The following CLIP2 variants were observed in gnomAD, a reference collection of about 807,000 sequenced individuals.
CLIP2 encodes the protein CAP-Gly domain containing linker protein 2.
CLIP2 carries 41 observed loss-of-function variants against 111.7 expected under a neutral mutation model. The ratio of observed to expected loss-of-function variants is 0.37; its 90% CI spans 0.29 to 0.48. The LOEUF (loss-of-function observed/expected upper bound fraction) is 0.48, where lower values mean the gene tolerates loss of function less well. CLIP2 is among the 20% of genes least tolerant of loss of function. CLIP2 has a pLI of 0.99. For synonymous variants in CLIP2, 660 were observed against 644.2 expected (o/e 1.02, Z -0.37); for missense variants, 1,160 against 1,422.1 (o/e 0.82, Z 2.96).
chr7:74,303,827 G>A (rs925037322), intron 1 of CLIP2, among the ~76,000 whole-genome samples: 8 of 149,184 alleles, frequency 5.4e-5, no homozygotes, highest in African/African-American at 7.4e-5. Context: ...CACAAGAATC[G>A]CTTGAACTCA....
At chr7:74,395,392 A>T (rs1182064495) in intron 13 of CLIP2, among the ~76,000 whole-genome samples, 1 of 152,030 alleles carries the variant, frequency 6.6e-6, no homozygotes, top group Non-Finnish European at 1.5e-5. Flanking sequence ...CATGACCTCA[A>T]GTAATCTGCC....
chr7:74,386,656 C>A, intron 12 of CLIP2, 52 bp downstream of exon 12: 1 of 1,425,802 alleles, frequency 7.0e-7, no homozygotes, highest in Non-Finnish European at 9.6e-7. Flanking sequence ...TGGGGCCGTG[C>A]CATTCAGCTG....
chr7:74,339,092 T>C lies in CLIP2; in HGVS notation c.678+88T>C, dbSNP rs917142014. 6.1e-6 allele frequency: 8 copies of C among 1,301,782 alleles called. No individual in the cohort carries two copies. In the African/African-American group the frequency reaches 1.0e-4, roughly 17 times the overall value. The allele number at this position is 1,301,782 out of a possible 1,614,324, so 80.6% of individuals were successfully genotyped here. A position where few individuals can be genotyped will look rare whatever the true frequency, so the allele number is the denominator to read the frequency against. On this transcript the variant is annotated intron_variant, in intron 3 of 16. Coordinates refer to ENST00000223398, the MANE Select transcript of CLIP2 (RefSeq NM_003388.5). ...TTGGCGAAGCTGGACCCCCCTGGGC[T>C]GGGCAGGGTGGGGACTCGAAGGGGG...
intron 2 of CLIP2, among the ~76,000 whole-genome samples, chr7:74,328,066 G>A (rs557131897): frequency 6.6e-6 from 1 of 152,286 alleles, no homozygotes; most frequent in East Asian, 1.9e-4. Context: ...CTTTAGGGCT[G>A]GATGCTGCAG....
chr7:74,400,314 C>G, intron 14 of CLIP2, 56 bp from the exon 15 acceptor site: 1 of 1,440,062 alleles, frequency 6.9e-7, no homozygotes, highest in Non-Finnish European at 9.4e-7. Context: ...AGTTGAGACG[C>G]CCACCAACAC....
intron 1 of CLIP2, 146 bp from the exon 2 acceptor site, chr7:74,317,334 G>A (rs143786912): frequency 3.2e-4 from 146 of 461,730 alleles, no homozygotes; most frequent in African/African-American, 2.5e-3. Flanking sequence ...TGGCCTGTGC[G>A]GCAACGGGAG....
At chr7:74,385,794 G>A (rs1791076409) in intron 11 of CLIP2, among the ~76,000 whole-genome samples, 1 of 147,980 alleles carries the variant, frequency 6.8e-6, no homozygotes, top group Non-Finnish European at 1.5e-5. Context: ...CCAGGCTGGA[G>A]TGCGATGGTG....
chr7:74,297,503 G>C (rs1554726250), intron 1 of CLIP2, among the ~76,000 whole-genome samples: 1 of 151,924 alleles, frequency 6.6e-6, no homozygotes, highest in Non-Finnish European at 1.5e-5. Context: ...AACCGAATAA[G>C]AAAACAAAAG....
intron 2 of CLIP2, among the ~76,000 whole-genome samples, chr7:74,333,080 G>T (rs1334787640): frequency 6.6e-6 from 1 of 152,190 alleles, no homozygotes; most frequent in African/African-American, 2.4e-5. Context: ...GTGTCCTTAG[G>T]CCCTTGTCAT....
intron 3 of CLIP2, among the ~76,000 whole-genome samples, chr7:74,340,848 TG>T (rs1487954191): frequency 6.6e-6 from 1 of 151,932 alleles, no homozygotes; most frequent in Non-Finnish European, 1.5e-5. Flanking sequence ...CAAGGCTTCC[TG>T]GGGGAAGGTG....
At chr7:74,388,848 C>T (rs1791195007) in intron 12 of CLIP2, 1 of 360,570 alleles carries the variant, frequency 2.8e-6, no homozygotes, top group Non-Finnish European at 5.0e-6. Flanking sequence ...CCCAGCTACT[C>T]AGGAGGCTGA....
intron 13 of CLIP2, among the ~76,000 whole-genome samples, chr7:74,390,060 C>T (rs1172311814): frequency 1.4e-5 from 2 of 143,728 alleles, no homozygotes; most frequent in Non-Finnish European, 3.0e-5. Flanking sequence ...TGCACTCCAG[C>T]CGGGGCAATA....
intron 11 of CLIP2, among the ~76,000 whole-genome samples, chr7:74,383,795 C>T (rs1791008047): frequency 6.6e-6 from 1 of 151,644 alleles, no homozygotes; most frequent in African/African-American, 2.4e-5. Flanking sequence ...GACAACATGG[C>T]GAAAACCCAT....
intron 3 of CLIP2, among the ~76,000 whole-genome samples, chr7:74,343,956 T>C (rs1789736011): frequency 6.6e-6 from 1 of 152,024 alleles, no homozygotes. Flanking sequence ...AGTCATAGTC[T>C]GCAAGGAGCT....
intron 1 of CLIP2, among the ~76,000 whole-genome samples, chr7:74,309,484 G>A (rs1371127072): frequency 2.0e-5 from 3 of 152,088 alleles, no homozygotes; most frequent in South Asian, 2.1e-4. Flanking sequence ...CTGTGTATAC[G>A]GTTTTGAAAT....
At chr7:74,403,094 C>T (rs1180750925) in intron 16 of CLIP2, among the ~76,000 whole-genome samples, 1 of 150,504 alleles carries the variant, frequency 6.6e-6, no homozygotes, top group Non-Finnish European at 1.5e-5. Context: ...TGGCACATGC[C>T]TGTAGTCCCA....
chr7:74,367,409 C>T (rs1305520278), intron 8 of CLIP2, among the ~76,000 whole-genome samples: 2 of 152,166 alleles, frequency 1.3e-5, no homozygotes, highest in African/African-American at 4.8e-5. Context: ...CCAGGATGGT[C>T]TCAATCTCCT....
At chr7:74,345,937 A>G (rs569231343) in intron 3 of CLIP2, among the ~76,000 whole-genome samples, 7 of 152,286 alleles carry the variant, frequency 4.6e-5, no homozygotes, top group Admixed American at 3.3e-4. Flanking sequence ...TTTATTTTCA[A>G]TCTCTCCTGA....
intron 2 of CLIP2, among the ~76,000 whole-genome samples, chr7:74,337,275 GAGTT>G (rs1185988501): frequency 6.6e-6 from 1 of 152,150 alleles, no homozygotes; most frequent in African/African-American, 2.4e-5. Flanking sequence ...GCCCAGGAGA[GAGTT>G]AGGAGGGTTT....
Sources: allele counts gnomAD v4.1 joint callset (sites outside exome capture counted in the v4.1 genomes callset), GRCh38; gene constraint gnomAD v4.1.1; transcripts MANE v1.5; gene names NCBI Gene and HGNC (gene_info 2026-07-23, HGNC 2026-07-21).